ZBTB32: variants seen among roughly 807,000 people sequenced by gnomAD.
ZBTB32 encodes the protein zinc finger and BTB domain containing 32.
In ZBTB32, 28 loss-of-function variants were observed where a neutral mutation model predicts 45.3. The observed-to-expected ratio is 0.62, with a 90% CI of 0.46 to 0.85. The LOEUF (loss-of-function observed/expected upper bound fraction) is 0.85. Among genes scored for constraint, ZBTB32 ranks in the 40% least tolerant of loss-of-function variants. The pLI, the probability that ZBTB32 is intolerant of heterozygous loss-of-function variation, is 0.00. For synonymous variants in ZBTB32, 283 were observed against 255.7 expected (o/e 1.11, Z -1.02); for missense variants, 587 against 624.4 (o/e 0.94, Z 0.64).
At chr19:35,711,288 T>A (rs998275479) in intron 1 of ZBTB32, among the ~76,000 whole-genome samples, 4 of 152,190 alleles carry the variant, frequency 2.6e-5, no homozygotes, top group African/African-American at 7.2e-5. Context: ...CCGCACTCCT[T>A]CCTTGTCTTG....
intron 1 of ZBTB32, among the ~76,000 whole-genome samples, 196 bp downstream of exon 1, chr19:35,704,819 AGAGGCTAAGCCAGCTTGCTCTCT>A (rs1248140324): frequency 6.6e-6 from 1 of 152,222 alleles, no homozygotes; most frequent in African/African-American, 2.4e-5. Context: ...TAGGTTTGGC[AGAGGCTAAGCCAGCTTGCTCTCT>A]GAGTTGGTCC....
At chr19:35,705,335 G>GA (rs1017414626) in intron 1 of ZBTB32, among the ~76,000 whole-genome samples, 2 of 150,856 alleles carry the variant, frequency 1.3e-5, no homozygotes, top group African/African-American at 2.4e-5. Flanking sequence ...AAAATGAAAA[G>GA]AAAAAAAAAG....
At chr19:35,711,795 TG>T (rs1484865043) in intron 1 of ZBTB32, among the ~76,000 whole-genome samples, 1 of 150,304 alleles carries the variant, frequency 6.7e-6, no homozygotes, top group Non-Finnish European at 1.5e-5. Context: ...GAGGCCGAGG[TG>T]GGTGGCTCAC....
intron 3 of ZBTB32, 69 bp from the exon 4 acceptor site, chr19:35,715,688 C>A: frequency 6.6e-7 from 1 of 1,523,608 alleles, no homozygotes; most frequent in Non-Finnish European, 8.9e-7. Flanking sequence ...CTTGGGATAC[C>A]CCCTCTTCAC....
At chr19:35,707,409 T>C (rs1430146035) in intron 1 of ZBTB32, among the ~76,000 whole-genome samples, 1 of 149,936 alleles carries the variant, frequency 6.7e-6, no homozygotes, top group African/African-American at 2.5e-5. Flanking sequence ...TTAGCTCTGT[T>C]ACCAGGCTGG....
chr19:35,716,399 G>C, intron 6 of ZBTB32, 79 bp from the exon 7 acceptor site: 2 of 1,586,322 alleles, frequency 1.3e-6, no homozygotes, highest in Non-Finnish European at 1.7e-6. Flanking sequence ...CTAGCCCCGT[G>C]GCCCGATCCA....
chr19:35,711,918 G>A (rs1175195699), intron 1 of ZBTB32, among the ~76,000 whole-genome samples: 6 of 151,526 alleles, frequency 4.0e-5, no homozygotes, highest in South Asian at 2.1e-4. Flanking sequence ...CCAGCTACTC[G>A]GGAGGCTGAG....
At position 35,716,581 on chromosome 19, in the gene ZBTB32, C is replaced by T; in HGVS notation, c.1293C>T (p.Ser431=). Reference sequence around the variant, plus strand: ...ACGGGGCCGCTCCGTACCGCTGCTCCCTGTGCGGGGCCGGCTGTCCCAGCC... The same window carrying T: ...ACGGGGCCGCTCCGTACCGCTGCTCTCTGTGCGGGGCCGGCTGTCCCAGCC... ...RTHGAAPYRC[S]LCGAGCPSLA... The change falls in exon 7 of 7, where the codon TCC becomes TCT. Residue 431 remains serine (S), a synonymous_variant. Transcript: ENST00000392197. 1 of 1,613,304 alleles carries T rather than the reference C, an allele frequency of 6.2e-7. No homozygotes were observed. Among genetic ancestry groups the T allele is most frequent in the Non-Finnish European group, 8.5e-7 (1 of 1,179,926 alleles).
At chr19:35,708,281 G>A (rs1968599144) in intron 1 of ZBTB32, among the ~76,000 whole-genome samples, 1 of 152,186 alleles carries the variant, frequency 6.6e-6, no homozygotes, top group East Asian at 1.9e-4. Context: ...TGAGTCCTGT[G>A]TAGGGGGCCT....
chr19:35,714,641 C>G lies in ZBTB32; in HGVS notation c.15C>G (p.Pro5=), dbSNP rs540858118. 2 of 1,551,026 alleles carry G rather than the reference C, an allele frequency of 1.3e-6. No individual in the cohort carries two copies. Among genetic ancestry groups the G allele is most frequent in the South Asian group, 2.4e-5 (2 of 83,274 alleles). The change falls in exon 3 of 7, where the codon CCC becomes CCG. Residue 5 remains proline (P), a synonymous_variant. Transcript: ENST00000392197. The stretch of plus-strand genomic sequence containing the variant: ...GCCAAGGCACAATGTCCCTGCCCCC[C>G]ATAAGACTGCCCAGCCCCTATGGCT... MSLP[P]IRLPSPYGSD...
At chr19:35,712,075 C>T (rs1160053408) in intron 1 of ZBTB32, among the ~76,000 whole-genome samples, 2 of 149,118 alleles carry the variant, frequency 1.3e-5, no homozygotes, top group African/African-American at 2.5e-5. Flanking sequence ...GGGAAGCCGA[C>T]TGTGCCTTGT....
intron 3 of ZBTB32, 46 bp from the exon 4 acceptor site, chr19:35,715,711 C>A (rs776586544): frequency 3.8e-5 from 60 of 1,561,186 alleles, no homozygotes; most frequent in Middle Eastern, 2.3e-4. Flanking sequence ...AGGGGCCAGG[C>A]TCCCAGGTTT....
chr19:35,710,684 C>T (rs1968665044), intron 1 of ZBTB32, among the ~76,000 whole-genome samples: 1 of 152,158 alleles, frequency 6.6e-6, no homozygotes, highest in Non-Finnish European at 1.5e-5. Context: ...AACCCAGAGG[C>T]AGAGGTTGCA....
At position 35,715,293 on chromosome 19, in the gene ZBTB32, G is replaced by A; in HGVS notation, c.667G>A (p.Glu223Lys). Reference sequence around the variant, plus strand: ...GTTGAGGGAAAATCCAGGGGGCTCTGAGGAAAGTCTGCGCAAGCTCCCTGG... The same window carrying A: ...GTTGAGGGAAAATCCAGGGGGCTCTAAGGAAAGTCTGCGCAAGCTCCCTGG... ...TWLRENPGGS[E>K]ESLRKLPGPL... Residue 223 changes from glutamate (E) to lysine (K), a missense_variant, in exon 3 of 7, where the codon GAG becomes AAG. Glu to Lys is a moderately conservative substitution (Grantham distance 56). Coordinates refer to ENST00000392197, the MANE Select transcript of ZBTB32 (RefSeq NM_014383.3). The A allele has an allele frequency of 1.3e-6, 2 of 1,583,998 alleles. No homozygotes were observed. The highest frequency in any genetic ancestry group is 1.7e-6 in the Non-Finnish European group (2 of 1,166,714).
chr19:35,710,220 A>G (rs1243075511), intron 1 of ZBTB32, among the ~76,000 whole-genome samples: 4 of 152,104 alleles, frequency 2.6e-5, no homozygotes, highest in African/African-American at 4.8e-5. Context: ...CAAAAAAAAA[A>G]AGAAAGTAAT....
At chr19:35,711,387 A>G (rs759725452) in intron 1 of ZBTB32, among the ~76,000 whole-genome samples, 1 of 152,156 alleles carries the variant, frequency 6.6e-6, no homozygotes, top group African/African-American at 2.4e-5. Flanking sequence ...TGTCTTTTAT[A>G]TGGGTGTGGT....
intron 1 of ZBTB32, among the ~76,000 whole-genome samples, chr19:35,709,546 T>C (rs1413627414): frequency 6.6e-6 from 1 of 152,144 alleles, no homozygotes. Context: ...CATTTTTCCC[T>C]TAGTGTCCCA....
intron 1 of ZBTB32, among the ~76,000 whole-genome samples, chr19:35,712,052 A>AAAAAAG (rs1420122575): frequency 7.1e-6 from 1 of 141,410 alleles, no homozygotes; most frequent in African/African-American, 2.8e-5. Flanking sequence ...AAAAAAAAAA[A>AAAAAAG]GAGAAGCCTA....
chr19:35,705,057 G>A (rs1427458484), intron 1 of ZBTB32, among the ~76,000 whole-genome samples: 3 of 152,182 alleles, frequency 2.0e-5, no homozygotes, highest in Non-Finnish European at 4.4e-5. Context: ...TGTAATCCCA[G>A]CACTTTGGGA....
Sources: allele counts gnomAD v4.1 joint callset (sites outside exome capture counted in the v4.1 genomes callset), GRCh38; gene constraint gnomAD v4.1.1; transcripts MANE v1.5; gene names NCBI Gene and HGNC (gene_info 2026-07-23, HGNC 2026-07-21).